Variants in COL21A1 observed in about 807,000 individuals in gnomAD.
COL21A1 encodes the protein collagen alpha-1(XXI) chain.
A neutral mutation model predicts 137.9 loss-of-function variants in COL21A1; 149 were observed. That is an observed-to-expected ratio of 1.08 (90% CI 0.95 to 1.24). The LOEUF (loss-of-function observed/expected upper bound fraction) is 1.24. COL21A1 is among the 50% of genes most tolerant of loss of function. The pLI, the probability that COL21A1 is intolerant of heterozygous loss-of-function variation, is 0.00. For missense variants in COL21A1, 1,167 were observed against 1,158.4 expected (o/e 1.01, Z -0.11); for synonymous variants, 456 against 391.5 (o/e 1.16, Z -1.95).
intron 1 of COL21A1, among the ~76,000 whole-genome samples, chr6:56,282,567 G>A (rs1763808873): frequency 6.6e-6 from 1 of 152,158 alleles, no homozygotes; most frequent in Admixed American, 6.5e-5. Flanking sequence ...TTTACCATGG[G>A]AAAGCTCCTC....
At chr6:56,190,015 A>T (rs899519727) in intron 1 of COL21A1, among the ~76,000 whole-genome samples, 3 of 152,198 alleles carry the variant, frequency 2.0e-5, no homozygotes, top group Non-Finnish European at 2.9e-5. Context: ...CTGCAAAAAC[A>T]TACACAATTG....
At chr6:56,069,595 T>C (rs12210468) in intron 21 of COL21A1, among the ~76,000 whole-genome samples, 22,521 of 150,158 alleles carry the variant, frequency 0.15, 1,725 homozygotes, top group Middle Eastern at 0.18. Flanking sequence ...TTTTGTTATG[T>C]ATTTTTTCTC....
At chr6:56,240,408 C>A (rs1782222130) in intron 1 of COL21A1, among the ~76,000 whole-genome samples, 1 of 152,106 alleles carries the variant, frequency 6.6e-6, no homozygotes, top group African/African-American at 2.4e-5. Context: ...ATTCCAGCCT[C>A]CAGAACTGTG....
At chr6:56,185,110 A>G (rs1475548702) in intron 1 of COL21A1, among the ~76,000 whole-genome samples, 1 of 152,074 alleles carries the variant, frequency 6.6e-6, no homozygotes, top group Admixed American at 6.5e-5. Flanking sequence ...TTAAAAGCAT[A>G]TATTAAAAAA....
At chr6:56,313,542 A>T (rs1164992926) in intron 1 of COL21A1, among the ~76,000 whole-genome samples, 1 of 152,088 alleles carries the variant, frequency 6.6e-6, no homozygotes, top group Non-Finnish European at 1.5e-5. Flanking sequence ...TCAGAGAGAG[A>T]TCTCTCTATT....
At chr6:56,180,871 A>G (rs1310146688) in intron 2 of COL21A1, among the ~76,000 whole-genome samples, 1 of 152,202 alleles carries the variant, frequency 6.6e-6, no homozygotes, top group Admixed American at 6.5e-5. Context: ...ATTCCAAACT[A>G]TTGGAATTGC....
intron 10 of COL21A1, among the ~76,000 whole-genome samples, chr6:56,146,732 A>G (rs1555096): frequency 0.15 from 23,007 of 152,130 alleles, 1,772 homozygotes; most frequent in Middle Eastern, 0.22. Context: ...GAGAATAAGC[A>G]GAAGCAAGCT....
intron 1 of COL21A1, among the ~76,000 whole-genome samples, chr6:56,326,523 G>A (rs1044644162): frequency 7.9e-5 from 12 of 151,816 alleles, no homozygotes; most frequent in African/African-American, 2.4e-4. Flanking sequence ...CTCGAATCTT[G>A]CCAGAGGGAC....
intron 12 of COL21A1, among the ~76,000 whole-genome samples, chr6:56,130,278 T>TTA (rs142006916): frequency 0.03 from 4,343 of 147,196 alleles, 151 homozygotes; most frequent in African/African-American, 0.08. Context: ...TACATGTATA[T>TTA]TATATATATA....
chr6:56,132,994 T>C (rs1773685882), intron 12 of COL21A1, among the ~76,000 whole-genome samples: 1 of 152,222 alleles, frequency 6.6e-6, no homozygotes. Flanking sequence ...GTCTCAGCTA[T>C]GTCTTTATCA....
chr6:56,334,183 A>C (rs1396740722), intron 1 of COL21A1, among the ~76,000 whole-genome samples: 1 of 152,128 alleles, frequency 6.6e-6, no homozygotes, highest in African/African-American at 2.4e-5. Flanking sequence ...CACAATTTCT[A>C]ATTATGTATA....
intron 1 of COL21A1, among the ~76,000 whole-genome samples, chr6:56,308,474 T>C (rs1764523168): frequency 6.6e-6 from 1 of 152,196 alleles, no homozygotes; most frequent in African/African-American, 2.4e-5. Flanking sequence ...CGTAAGCCAG[T>C]CACCAAAAGA....
intron 1 of COL21A1, among the ~76,000 whole-genome samples, chr6:56,361,008 C>T (rs540709532): frequency 2.0e-5 from 3 of 152,222 alleles, no homozygotes; most frequent in Non-Finnish European, 2.9e-5. Context: ...GGCTGAGAAT[C>T]GCTCAAACCT....
intron 1 of COL21A1, among the ~76,000 whole-genome samples, chr6:56,268,822 G>A (rs182709086): frequency 1.3e-5 from 2 of 152,294 alleles, no homozygotes; most frequent in East Asian, 3.9e-4. Context: ...AATCTGGATG[G>A]CAAGGAAGCT....
intron 1 of COL21A1, among the ~76,000 whole-genome samples, chr6:56,247,083 T>A (rs935274478): frequency 2.6e-5 from 4 of 152,086 alleles, no homozygotes; most frequent in Admixed American, 6.5e-5. Flanking sequence ...GGGGTTGAGC[T>A]CAGGGGAGTA....
Position 56,141,961 on chromosome 6 carries a change from G to A in COL21A1, c.1457C>T (p.Thr486Ile), listed in dbSNP as rs1272634961. 1 of 1,541,178 alleles carries A rather than the reference G, an allele frequency of 6.5e-7. No homozygotes were observed. Among genetic ancestry groups the A allele is most frequent in the South Asian group, 1.2e-5 (1 of 82,694 alleles). Residue 486 changes from threonine to isoleucine, a missense_variant, in exon 11 of 30, where the codon ACA becomes ATA. Transcript: ENST00000244728. ...TCCTGGAGATCCTGGAACACCTGGT[G>A]TCCCTGCAATTCCCTGATATCCCTA... ...GKPGYQGIAG[T>I]PGVPGSPGIQ...
At chr6:56,222,185 A>C (rs1780877171) in intron 1 of COL21A1, among the ~76,000 whole-genome samples, 1 of 152,154 alleles carries the variant, frequency 6.6e-6, no homozygotes, top group Non-Finnish European at 1.5e-5. Context: ...AGGCAGGAGA[A>C]TCACTTGAAC....
intron 17 of COL21A1, among the ~76,000 whole-genome samples, chr6:56,092,047 C>A (rs963848576): frequency 1.3e-5 from 2 of 151,966 alleles, no homozygotes; most frequent in African/African-American, 4.8e-5. Context: ...GCAATCTTGT[C>A]CTTTATTCTT....
intron 1 of COL21A1, among the ~76,000 whole-genome samples, chr6:56,238,311 A>C (rs1392683400): frequency 6.6e-6 from 1 of 151,950 alleles, no homozygotes; most frequent in Non-Finnish European, 1.5e-5. Context: ...AGGCTGAATA[A>C]ATATTTGTTG....
Sources: allele counts gnomAD v4.1 joint callset (sites outside exome capture counted in the v4.1 genomes callset), GRCh38; gene constraint gnomAD v4.1.1; transcripts MANE v1.5; gene names NCBI Gene and HGNC (gene_info 2026-07-23, HGNC 2026-07-21).